The following ANXA5 variants were observed in gnomAD, a reference collection of about 807,000 sequenced individuals.
The protein encoded by ANXA5 is CBP-I.
ANXA5 carries 40 observed loss-of-function variants against 48.1 expected under a neutral mutation model. The observed-to-expected ratio is 0.83, with a 90% CI of 0.65 to 1.08. ANXA5 has a LOEUF of 1.08. ANXA5 is among the 50% of genes least tolerant of loss of function. The probability of loss-of-function intolerance (pLI) is 0.00; values close to 1 mark genes in which losing one functional copy is unlikely to be tolerated. For missense variants in ANXA5, 357 were observed against 376.8 expected (o/e 0.95, Z 0.44); for synonymous variants, 113 against 129.1 (o/e 0.88, Z 0.85).
At position 121,671,598 on chromosome 4, in the gene ANXA5, T is replaced by C. The variant is rs1239209042; in HGVS notation, c.670A>G (p.Thr224Ala). ...MTISGFQIEETIDRETSGNLE... is the reference protein window; with the variant it reads ...MTISGFQIEEAIDRETSGNLE... ...TTGCCAGAAGTCTCGCGGTCAATGG[T>C]TTCCTCAATTTGAAATCCTGATATA... is the stretch of plus-strand genomic sequence containing the variant. Residue 224 changes from threonine to alanine, a missense_variant, in exon 10 of 13, where the codon ACC (threonine) becomes GCC (alanine). Coordinates refer to ENST00000296511, the MANE Select transcript of ANXA5 (RefSeq NM_001154.4). 4.3e-6 allele frequency: 7 copies of C among 1,613,372 alleles called. No homozygotes were observed.
At chr4:121,683,063 TATTTTTTAAAC>T (rs1724819093) in intron 5 of ANXA5, among the ~76,000 whole-genome samples, 1 of 152,128 alleles carries the variant, frequency 6.6e-6, no homozygotes, top group African/African-American at 2.4e-5. Context: ...TCATCTGTAA[TATTTTTTAAAC>T]ATCCTCAAAA....
chr4:121,681,755 C>T lies in ANXA5; in HGVS notation c.310G>A (p.Gly104Arg). The T allele has an allele frequency of 6.2e-7, 1 of 1,609,752 alleles. No individual in the cohort carries two copies. Among genetic ancestry groups the T allele is most frequent in the Non-Finnish European group, 8.5e-7 (1 of 1,176,942 alleles). The change falls in exon 6 of 13, where the codon GGA (glycine) becomes AGA (arginine). Residue 104 changes from glycine (G) to arginine (R), a missense_variant. Physicochemically the swap from Gly to Arg is moderately radical, Grantham distance 125. Coordinates refer to ENST00000296511, the MANE Select transcript of ANXA5 (RefSeq NM_001154.4). ...YELKHALKGAGTNEKVLTEII... is the reference protein window; with the variant it reads ...YELKHALKGARTNEKVLTEII... ...TCTGTCAGTACTTTTTCATTTGTTC[C>T]AGCTCCCTGTTTGGAGATTTTAATA...
chr4:121,689,301 T>C (rs1392457669), intron 2 of ANXA5, among the ~76,000 whole-genome samples: 1 of 152,234 alleles, frequency 6.6e-6, no homozygotes, highest in Non-Finnish European at 1.5e-5. Flanking sequence ...GCAGTCCATC[T>C]GTCTTTTTAC....
chr4:121,685,034 G>GTATATATATATA (rs71599154), intron 3 of ANXA5, among the ~76,000 whole-genome samples: 4 of 135,930 alleles, frequency 2.9e-5, no homozygotes, highest in African/African-American at 1.1e-4. Flanking sequence ...AAAAAAATAT[G>GTATATATATATA]TATATATATA....
chr4:121,681,163 C>A (rs1333781669), intron 6 of ANXA5, among the ~76,000 whole-genome samples: 4 of 152,136 alleles, frequency 2.6e-5, no homozygotes, highest in African/African-American at 4.8e-5. Flanking sequence ...AAAAGACACA[C>A]TAAAAAGAAA....
chr4:121,674,368 A>G (rs1455811238), intron 8 of ANXA5, among the ~76,000 whole-genome samples: 1 of 152,050 alleles, frequency 6.6e-6, no homozygotes, highest in East Asian at 1.9e-4. Context: ...GAAAGGAAAG[A>G]AAAGAAAAGT....
intron 2 of ANXA5, among the ~76,000 whole-genome samples, chr4:121,695,062 T>A (rs1173799379): frequency 1.2e-4 from 19 of 152,216 alleles, no homozygotes; most frequent in Admixed American, 1.2e-3. Context: ...TACAAGAGAT[T>A]CAAGAAACTG....
Position 121,692,314 on chromosome 4 carries a change from CTG to C in ANXA5, c.9+4265_9+4266del, listed in dbSNP as rs1336776238. On this transcript the variant is annotated intron_variant, in intron 2 of 12. Transcript: ENST00000296511. Reference sequence around the variant, plus strand: ...TTTTGTTGTGTATTTCTTTAATGCTCTGTGTTTAATGTTGTGTCTCTTTACCA... The same window carrying C: ...TTTTGTTGTGTATTTCTTTAATGCTCTGTTTAATGTTGTGTCTCTTTACCA... 6.6e-5 allele frequency among the ~76,000 whole-genome samples: 10 copies of C among 152,294 alleles called. No individual in the cohort carries two copies. The East Asian group carries it at 1.9e-3, about 29-fold the overall frequency.
At chr4:121,678,311 A>G (rs765723652) in intron 7 of ANXA5, 104 bp downstream of exon 7, 5 of 896,238 alleles carry the variant, frequency 5.6e-6, no homozygotes, top group Non-Finnish European at 8.7e-6. Flanking sequence ...ATCAGCAAGT[A>G]CCACAAATTA....
At position 121,681,473 on chromosome 4, in the gene ANXA5, A is replaced by G. The variant is rs532916965; in HGVS notation, c.394+198T>C. 7 of 457,720 alleles carry G rather than the reference A, an allele frequency of 1.5e-5. No individual in the cohort carries two copies. The South Asian group carries it at 2.3e-4, about 15-fold the overall frequency. The allele number at this position is 457,720 out of a possible 1,614,324, so 28.4% of individuals were successfully genotyped here. A position where few individuals can be genotyped will look rare whatever the true frequency, so the allele number is the denominator to read the frequency against. Reference sequence around the variant, plus strand: ...AGCAGTAGCTTCTTATAAAATATGAAAATAGTAGAGGATAACAAGGCAGTC... The same window carrying G: ...AGCAGTAGCTTCTTATAAAATATGAGAATAGTAGAGGATAACAAGGCAGTC... On this transcript the variant is annotated intron_variant, in intron 6 of 12. Coordinates refer to ENST00000296511, the MANE Select transcript of ANXA5 (RefSeq NM_001154.4).
chr4:121,672,645 CAATT>C lies in ANXA5; in HGVS notation c.532-23_532-20del, dbSNP rs1560824033. ...ATAAAGCCTGCAAAAATTTCAAACT[CAATT>C]AATAAATTGTTCCTCCATCTCATTT... is the stretch of plus-strand genomic sequence containing the variant. On this transcript the variant is annotated intron_variant, in intron 8 of 12. Transcript: ENST00000296511. 6.3e-7 allele frequency: 1 copy of C among 1,581,974 alleles called. No homozygotes were observed. The highest frequency in any genetic ancestry group is 1.7e-5 in the Admixed American group (1 of 59,786).
chr4:121,677,613 T>C (rs569543023), intron 8 of ANXA5, among the ~76,000 whole-genome samples: 1 of 152,286 alleles, frequency 6.6e-6, no homozygotes, highest in South Asian at 2.1e-4. Flanking sequence ...TTTGGTAAAA[T>C]TCTCTATTTT....
intron 11 of ANXA5, 44 bp downstream of exon 11, chr4:121,669,910 G>C (rs1440057474): frequency 2.0e-6 from 3 of 1,496,654 alleles, no homozygotes; most frequent in East Asian, 4.5e-5. Flanking sequence ...ATAATAATTA[G>C]AAAGAGAAAT....
chr4:121,680,256 T>C (rs921444857), intron 6 of ANXA5, among the ~76,000 whole-genome samples: 5 of 151,990 alleles, frequency 3.3e-5, no homozygotes, highest in Non-Finnish European at 5.9e-5. Flanking sequence ...AGTACTCCTG[T>C]GTGTGTGTGT....
intron 8 of ANXA5, among the ~76,000 whole-genome samples, chr4:121,676,379 CACTG>C (rs1261602544): frequency 2.6e-5 from 4 of 152,124 alleles, no homozygotes; most frequent in Non-Finnish European, 4.4e-5. Context: ...TATTCAATAA[CACTG>C]ACTATCTTCT....
At chr4:121,694,544 C>CCAG (rs35470966) in intron 2 of ANXA5, among the ~76,000 whole-genome samples, 81,707 of 151,288 alleles carry the variant, frequency 0.54, 23,035 homozygotes, top group African/African-American at 0.7. Flanking sequence ...ACCACCATGC[C>CCAG]CAGCTAATTT....
At chr4:121,694,599 G>C (rs760885661) in intron 2 of ANXA5, among the ~76,000 whole-genome samples, 10 of 152,070 alleles carry the variant, frequency 6.6e-5, no homozygotes, top group Non-Finnish European at 1.2e-4. Flanking sequence ...TGGTTAGGCT[G>C]GTCTCGAACT....
chr4:121,672,457 G>A (rs1404161875), intron 9 of ANXA5, 76 bp downstream of exon 9: 16 of 961,680 alleles, frequency 1.7e-5, no homozygotes, highest in Non-Finnish European at 2.6e-5. Context: ...CTATGTAGCA[G>A]GTATTCTGTC....
At chr4:121,682,216 G>GTGCT (rs1366831976) in intron 5 of ANXA5, among the ~76,000 whole-genome samples, 1 of 152,078 alleles carries the variant, frequency 6.6e-6, no homozygotes, top group African/African-American at 2.4e-5. Context: ...CCCAAGTTAA[G>GTGCT]TGCTGTGCAG....
Sources: allele counts gnomAD v4.1 joint callset (sites outside exome capture counted in the v4.1 genomes callset), GRCh38; gene constraint gnomAD v4.1.1; transcripts MANE v1.5; gene names NCBI Gene and HGNC (gene_info 2026-07-23, HGNC 2026-07-21).